Variants in RECK observed in about 807,000 individuals in gnomAD.
The protein encoded by RECK is reversion inducing cysteine rich protein with kazal motifs.
In RECK, 69 loss-of-function variants were observed where a neutral mutation model predicts 115.1. That is an observed-to-expected ratio of 0.60 (90% CI 0.49 to 0.73). RECK has a LOEUF of 0.73. Among genes scored for constraint, RECK ranks in the 30% least tolerant of loss-of-function variants. The pLI is 0.00. For missense variants in RECK, 1,047 were observed against 1,203.7 expected, an observed-to-expected ratio of 0.87 and a Z score of 1.93; for synonymous variants, 414 against 419.7, an observed-to-expected ratio of 0.99 and a Z score of 0.17.
chr9:36,104,516 G>T (rs1004829046), intron 12 of RECK, among the ~76,000 whole-genome samples: 1 of 142,070 alleles, frequency 7.0e-6, no homozygotes, highest in Non-Finnish European at 1.5e-5. Context: ...TTGAGGGGGG[G>T]CTTTTTTTTT....
chr9:36,036,990 G>C lies in RECK; in HGVS notation c.-9G>C. ...GCATCCCGCGGCTCTGGAGCCGCCC[G>C]GCCCGGACATGGCGACCGTCCGGGC... On this transcript the variant is annotated 5_prime_UTR_variant, in exon 1 of 21. Transcript: ENST00000377966. 6 of 1,421,640 alleles carry C rather than the reference G, an allele frequency of 4.2e-6. No individual in the cohort carries two copies. Among genetic ancestry groups the C allele is most frequent in the Non-Finnish European group, 4.6e-6 (5 of 1,085,856 alleles). The allele number at this position is 1,421,640 out of a possible 1,614,324, so 88.1% of individuals were successfully genotyped here.
rs1470754757 is a variant in RECK, at chr9:36,123,524, A to G, written c.*479A>G. 1 of 152,800 alleles carries G rather than the reference A, an allele frequency of 6.5e-6. No individual in the cohort carries two copies. The allele number at this position is 152,800 out of a possible 1,614,324, so 9.5% of individuals were successfully genotyped here. On this transcript the variant is annotated 3_prime_UTR_variant, in exon 21 of 21. Transcript: ENST00000377966. Reference sequence around the variant, plus strand: ...GTCCCAGTGAAGAGCCACTGCCATTAAAGAATATGAAACATAGATAAAACA... The same window carrying G: ...GTCCCAGTGAAGAGCCACTGCCATTGAAGAATATGAAACATAGATAAAACA...
Position 36,065,575 on chromosome 9 carries a change from AG to A in RECK, c.358del. 6.3e-7 allele frequency: 1 copy of A among 1,582,710 alleles called. No homozygotes were observed. The highest frequency in any genetic ancestry group is 8.6e-7 in the Non-Finnish European group (1 of 1,167,234). On this transcript the variant is annotated splice_acceptor_variant, in intron 5 of 20. Transcript: ENST00000377966. LOFTEE classifies it high-confidence loss of function. ...TTAATGGAGAAATTTGTTGGTTTTT[AG>A]GCATCTTCAAAGAATGATATTTCCA...
intron 8 of RECK, among the ~76,000 whole-genome samples, chr9:36,084,789 T>A (rs977175056): frequency 6.6e-6 from 1 of 152,054 alleles, no homozygotes; most frequent in Non-Finnish European, 1.5e-5. Flanking sequence ...GCATAGTGAC[T>A]CACACCTGTA....
At chr9:36,066,843 T>G in intron 6 of RECK, 5 of 1,289,474 alleles carry the variant, frequency 3.9e-6, no homozygotes, top group Non-Finnish European at 5.1e-6. Flanking sequence ...TCTGCCAGTA[T>G]GTGTTGATGA....
At position 36,092,198 on chromosome 9, in the gene RECK, TG is replaced by T. The variant is rs1823183905; in HGVS notation, c.1085+856del. Reference sequence around the variant, plus strand: ...ATTTAGAGATTGAGTACATCTGAAATGTTTGAAAGTTAGACTTTGGCACATA... The same window carrying T: ...ATTTAGAGATTGAGTACATCTGAAATTTTGAAAGTTAGACTTTGGCACATA... On this transcript the variant is annotated intron_variant, in intron 10 of 20. Coordinates refer to ENST00000377966, the MANE Select transcript of RECK (RefSeq NM_021111.3). Among the ~76,000 whole-genome samples the T allele has an allele frequency of 2.0e-5, 3 of 152,184 alleles. No individual in the cohort carries two copies. In the South Asian group the frequency reaches 6.2e-4, roughly 32 times the overall value.
chr9:36,051,312 C>T (rs1419339543), intron 1 of RECK, among the ~76,000 whole-genome samples: 1 of 152,096 alleles, frequency 6.6e-6, no homozygotes, highest in Non-Finnish European at 1.5e-5. Flanking sequence ...AAGTCTTTTC[C>T]ACTCTGAAAA....
intron 1 of RECK, among the ~76,000 whole-genome samples, chr9:36,039,586 A>G (rs1447840962): frequency 6.6e-6 from 1 of 152,172 alleles, no homozygotes; most frequent in Non-Finnish European, 1.5e-5. Flanking sequence ...GGAGGATGAG[A>G]AGGGACCCTA....
At chr9:36,044,097 T>C (rs570867352) in intron 1 of RECK, among the ~76,000 whole-genome samples, 47 of 152,348 alleles carry the variant, frequency 3.1e-4, no homozygotes, top group African/African-American at 1.1e-3. Context: ...TACCCATCCG[T>C]GAGCATGGGA....
intron 14 of RECK, 134 bp from the exon 15 acceptor site, chr9:36,109,823 G>A (rs887049893): frequency 9.3e-6 from 8 of 858,230 alleles, no homozygotes; most frequent in Admixed American, 2.2e-5. Flanking sequence ...CAGCCTGGGC[G>A]ATAGAATGAG....
At chr9:36,064,777 G>C (rs972729770) in intron 5 of RECK, among the ~76,000 whole-genome samples, 2 of 151,196 alleles carry the variant, frequency 1.3e-5, no homozygotes, top group East Asian at 2.0e-4. Flanking sequence ...TCTTCTTCTT[G>C]TTCTCCCTGT....
At chr9:36,046,109 C>G (rs1192725334) in intron 1 of RECK, among the ~76,000 whole-genome samples, 1 of 152,102 alleles carries the variant, frequency 6.6e-6, no homozygotes, top group East Asian at 1.9e-4. Context: ...CCATCTTTAT[C>G]TGTTCAATTC....
chr9:36,109,809 A>C (rs1587084968), intron 14 of RECK, 148 bp from the exon 15 acceptor site: 1 of 744,198 alleles, frequency 1.3e-6, no homozygotes. Context: ...ACGCCAGTGC[A>C]CTCCAGCCTG....
chr9:36,069,904 A>G (rs1822163816), intron 6 of RECK, among the ~76,000 whole-genome samples: 1 of 152,122 alleles, frequency 6.6e-6, no homozygotes, highest in Non-Finnish European at 1.5e-5. Flanking sequence ...CTGATTTCCC[A>G]GTAGCAACAG....
At chr9:36,063,969 C>A in intron 5 of RECK, 89 bp downstream of exon 5, 2 of 1,266,264 alleles carry the variant, frequency 1.6e-6, no homozygotes, top group Non-Finnish European at 1.1e-6. Context: ...CACCTCCTAG[C>A]TTTGCAGAGG....
At chr9:36,101,058 C>T (rs780855164) in intron 11 of RECK, among the ~76,000 whole-genome samples, 21 of 151,954 alleles carry the variant, frequency 1.4e-4, no homozygotes, top group Non-Finnish European at 2.2e-4. Flanking sequence ...CCTCCACCTC[C>T]CAGGTTCAAG....
chr9:36,068,614 G>A (rs1284436825), intron 6 of RECK, among the ~76,000 whole-genome samples: 1 of 152,228 alleles, frequency 6.6e-6, no homozygotes, highest in East Asian at 1.9e-4. Flanking sequence ...GGCATTTGCT[G>A]AATCAATTTT....
At chr9:36,037,398 G>C (rs1055825756) in intron 1 of RECK, among the ~76,000 whole-genome samples, 2 of 151,762 alleles carry the variant, frequency 1.3e-5, no homozygotes, top group African/African-American at 4.8e-5. Context: ...CTGCTTGTCA[G>C]AAAAGGGTGC....
rs1163283470 is a variant in RECK, at chr9:36,078,399, G to A, written c.406-2206G>A. 2.0e-5 allele frequency among the ~76,000 whole-genome samples: 3 copies of A among 152,226 alleles called. No homozygotes were observed. In the South Asian group the frequency reaches 6.2e-4, roughly 31 times the overall value. On this transcript the variant is annotated intron_variant, in intron 6 of 20. Transcript: ENST00000377966. ...TTTTAAACATCCAGGTTGAACAAAT[G>A]TATAAGTCTCTAGAGCAGAGTTTAT...
Sources: gnomAD v4.1 joint callset for allele counts (sites outside exome capture counted in the v4.1 genomes callset) on GRCh38, gnomAD v4.1.1 for gene constraint, MANE v1.5 for transcripts, NCBI Gene and HGNC (gene_info 2026-07-23, HGNC 2026-07-21) for gene names.